The following HPSE2 variants were observed in gnomAD, a reference collection of about 807,000 sequenced individuals.
HPSE2 encodes inactive heparanase-2.
HPSE2 carries 38 observed loss-of-function variants against 60.5 expected under a neutral mutation model. The ratio of observed to expected loss-of-function variants is 0.63; its 90% CI spans 0.48 to 0.82. HPSE2 has a LOEUF of 0.82. Ranked by LOEUF, HPSE2 falls within the 40% of genes least tolerant of loss-of-function variation. The probability of loss-of-function intolerance (pLI) is 0.00; values close to 1 mark genes in which losing one functional copy is unlikely to be tolerated. For missense variants in HPSE2, 713 were observed against 740.4 expected (o/e 0.96, Z 0.43); for synonymous variants, 295 against 293.2 (o/e 1.01, Z -0.06).
intron 7 of HPSE2, among the ~76,000 whole-genome samples, chr10:98,636,631 T>G (rs1034344280): frequency 6.6e-6 from 1 of 152,206 alleles, no homozygotes; most frequent in Non-Finnish European, 1.5e-5. Flanking sequence ...ATATGTCAAT[T>G]AAAAATAATT....
intron 7 of HPSE2, among the ~76,000 whole-genome samples, chr10:98,640,978 T>C (rs1946622726): frequency 6.6e-6 from 1 of 152,244 alleles, no homozygotes; most frequent in Non-Finnish European, 1.5e-5. Context: ...ATTTTGATAG[T>C]ACTCAAGTCT....
At chr10:99,303,465 T>G in the HPSE2 span, among the ~76,000 whole-genome samples, 130,489 of 152,118 alleles carry the variant, frequency 0.86, 56,350 homozygotes, top group African/African-American at 0.93. Context: ...ATAATTAACC[T>G]CCCTGTTCGA....
intron 3 of HPSE2, among the ~76,000 whole-genome samples, chr10:99,142,451 AC>A (rs1228993326): frequency 4.6e-5 from 7 of 152,138 alleles, no homozygotes; most frequent in Non-Finnish European, 1.0e-4. Flanking sequence ...TGGAATCAAA[AC>A]CTTTTGAACT....
intron 2 of HPSE2, among the ~76,000 whole-genome samples, chr10:99,213,824 T>C (rs1409674809): frequency 2.0e-5 from 3 of 152,100 alleles, no homozygotes; most frequent in Admixed American, 2.0e-4. Flanking sequence ...AATAACAGAA[T>C]CTACCTCTCA....
At chr10:98,837,479 A>G (rs1951815340) in intron 3 of HPSE2, among the ~76,000 whole-genome samples, 1 of 152,200 alleles carries the variant, frequency 6.6e-6, no homozygotes, top group Non-Finnish European at 1.5e-5. Flanking sequence ...ACTGTTTTCT[A>G]TTTTCTATGT....
chr10:98,871,075 G>A (rs1162817970), intron 3 of HPSE2, among the ~76,000 whole-genome samples: 1 of 151,860 alleles, frequency 6.6e-6, no homozygotes, highest in Admixed American at 6.6e-5. Flanking sequence ...GCAGATGCTG[G>A]TACTATGCTT....
the HPSE2 span, among the ~76,000 whole-genome samples, chr10:99,311,805 C>T: frequency 2.0e-5 from 3 of 152,102 alleles, no homozygotes; most frequent in African/African-American, 7.2e-5. Context: ...CTGAGATAGG[C>T]CGAAAGCTAG....
At chr10:99,072,432 A>T (rs1401392986) in intron 3 of HPSE2, among the ~76,000 whole-genome samples, 4 of 152,226 alleles carry the variant, frequency 2.6e-5, no homozygotes, top group African/African-American at 9.6e-5. Flanking sequence ...AGAATCAACA[A>T]GAAACTTAAA....
At chr10:99,269,800 A>C in the HPSE2 span, among the ~76,000 whole-genome samples, 1 of 152,226 alleles carries the variant, frequency 6.6e-6, no homozygotes. Flanking sequence ...CAGCAGAATA[A>C]AATTGGAAAT....
chr10:98,920,757 C>T (rs1954259564), intron 3 of HPSE2, among the ~76,000 whole-genome samples: 1 of 152,112 alleles, frequency 6.6e-6, no homozygotes, highest in Admixed American at 6.6e-5. Flanking sequence ...AACTCTATTC[C>T]ATAAGAATTT....
intron 9 of HPSE2, among the ~76,000 whole-genome samples, chr10:98,573,289 C>T (rs1269959668): frequency 1.3e-5 from 2 of 152,178 alleles, no homozygotes; most frequent in East Asian, 1.9e-4. Flanking sequence ...ATCTGGAACT[C>T]ACTTCTATTG....
intron 3 of HPSE2, among the ~76,000 whole-genome samples, chr10:99,140,951 C>T (rs571481588): frequency 6.6e-6 from 1 of 152,234 alleles, no homozygotes; most frequent in African/African-American, 2.4e-5. Context: ...GCAGAAGAAT[C>T]GCTTGAACCC....
At chr10:98,825,435 T>C (rs990663317) in intron 3 of HPSE2, among the ~76,000 whole-genome samples, 2 of 152,198 alleles carry the variant, frequency 1.3e-5, no homozygotes, top group Admixed American at 6.5e-5. Flanking sequence ...GCTAGCTCTT[T>C]CCTGTCATTC....
At chr10:99,136,491 A>G (rs963175454) in intron 3 of HPSE2, among the ~76,000 whole-genome samples, 1 of 152,214 alleles carries the variant, frequency 6.6e-6, no homozygotes, top group Non-Finnish European at 1.5e-5. Flanking sequence ...AAAATCCTCA[A>G]TAAAATACTG....
intron 3 of HPSE2, among the ~76,000 whole-genome samples, chr10:98,966,036 G>A (rs1299773545): frequency 1.3e-5 from 2 of 152,044 alleles, no homozygotes; most frequent in Non-Finnish European, 1.5e-5. Context: ...GGTTACAGGT[G>A]CCTGCCACCA....
intron 11 of HPSE2, among the ~76,000 whole-genome samples, chr10:98,472,047 G>A (rs1422483229): frequency 1.3e-5 from 2 of 152,024 alleles, no homozygotes; most frequent in Admixed American, 1.3e-4. Context: ...ATTAGCAGAA[G>A]GGCTAAAAGA....
At chr10:98,769,443 T>TG (rs2134414643) in intron 3 of HPSE2, among the ~76,000 whole-genome samples, 1 of 152,294 alleles carries the variant, frequency 6.6e-6, no homozygotes, top group South Asian at 2.1e-4. Flanking sequence ...TAAGATGGCA[T>TG]GATGACACAC....
At chr10:98,806,247 C>T (rs891307141) in intron 3 of HPSE2, among the ~76,000 whole-genome samples, 1 of 152,180 alleles carries the variant, frequency 6.6e-6, no homozygotes, top group African/African-American at 2.4e-5. Context: ...AAAACCAAGA[C>T]TTTCATCAGG....
intron 3 of HPSE2, among the ~76,000 whole-genome samples, chr10:98,938,657 C>A (rs1954887803): frequency 6.9e-6 from 1 of 144,040 alleles, no homozygotes; most frequent in Non-Finnish European, 1.5e-5. Context: ...TTGGAAAACC[C>A]TCTGCAGGAT....
Sources: gnomAD v4.1 joint callset for allele counts (sites outside exome capture counted in the v4.1 genomes callset) on GRCh38, gnomAD v4.1.1 for gene constraint, MANE v1.5 for transcripts, NCBI Gene and HGNC (gene_info 2026-07-23, HGNC 2026-07-21) for gene names.